MAGI1: variants seen among roughly 807,000 people sequenced by gnomAD.
MAGI1 encodes membrane associated guanylate kinase, WW and PDZ domain containing 1, also known as membrane-associated guanylate kinase, WW and PDZ domain-containing protein 1.
MAGI1 carries 58 observed loss-of-function variants against 139.9 expected under a neutral mutation model. The ratio of observed to expected loss-of-function variants is 0.41; its 90% confidence interval spans 0.34 to 0.52. MAGI1 has a LOEUF of 0.52. Ranked by LOEUF, MAGI1 falls within the 20% of genes least tolerant of loss-of-function variation. The pLI is 0.12. For missense variants in MAGI1, 1,874 were observed against 1,901.6 expected (o/e 0.99, Z 0.27); for synonymous variants, 812 against 737.9 (o/e 1.10, Z -1.63).
chr3:65,432,772 G>A (rs146182840), intron 10 of MAGI1, among the ~76,000 whole-genome samples: 2 of 152,096 alleles, frequency 1.3e-5, no homozygotes, highest in Non-Finnish European at 2.9e-5. Flanking sequence ...TTTACTTTAG[G>A]GGGAGGAGGG....
intron 1 of MAGI1, among the ~76,000 whole-genome samples, chr3:65,901,230 C>T (rs1021630539): frequency 5.3e-5 from 8 of 152,158 alleles, no homozygotes; most frequent in African/African-American, 1.9e-4. Context: ...GATGACGCCA[C>T]ACAAAAGGAA....
chr3:65,395,019 A>G (rs1018869539), intron 13 of MAGI1, among the ~76,000 whole-genome samples: 40 of 152,186 alleles, frequency 2.6e-4, no homozygotes, highest in African/African-American at 8.7e-4. Context: ...TACTAAGAAC[A>G]TGGAAAAATG....
intron 10 of MAGI1, among the ~76,000 whole-genome samples, chr3:65,432,245 C>T (rs556924133): frequency 1.3e-5 from 2 of 152,220 alleles, no homozygotes; most frequent in South Asian, 4.2e-4. Context: ...TCTAACTTTA[C>T]TTACTTCTTA....
intron 1 of MAGI1, among the ~76,000 whole-genome samples, chr3:65,848,121 T>C (rs955729831): frequency 2.6e-5 from 4 of 152,190 alleles, no homozygotes; most frequent in African/African-American, 9.7e-5. Flanking sequence ...CCCCAATTTA[T>C]TGCCAGAATT....
At chr3:65,855,297 G>A (rs1488959390) in intron 1 of MAGI1, among the ~76,000 whole-genome samples, 1 of 151,810 alleles carries the variant, frequency 6.6e-6, no homozygotes, top group Non-Finnish European at 1.5e-5. Flanking sequence ...TGGGAGGAAA[G>A]GGCTTGGTGC....
At chr3:65,425,108 T>TAAAAAAAAAAA (rs72030632) in intron 12 of MAGI1, among the ~76,000 whole-genome samples, 4 of 66,578 alleles carry the variant, frequency 6.0e-5, no homozygotes, top group South Asian at 3.0e-4. Context: ...GTAGAACTTC[T>TAAAAAAAAAAA]AAAAAAAAAA....
At chr3:65,442,887 A>C in intron 7 of MAGI1, 38 bp from the exon 8 acceptor site, 2 of 1,502,014 alleles carry the variant, frequency 1.3e-6, no homozygotes, top group Non-Finnish European at 1.9e-6. Context: ...AGAAGAGCAT[A>C]TTCTTGAAGA....
chr3:65,501,414 A>C (rs2077074532), intron 2 of MAGI1, among the ~76,000 whole-genome samples: 1 of 134,674 alleles, frequency 7.4e-6, no homozygotes, highest in Non-Finnish European at 1.5e-5. Flanking sequence ...AGATCGTGCC[A>C]CTGCACTCCA....
chr3:65,565,567 T>C (rs552020922), intron 2 of MAGI1, among the ~76,000 whole-genome samples: 8 of 152,204 alleles, frequency 5.3e-5, no homozygotes, highest in African/African-American at 9.6e-5. Flanking sequence ...TTAAGAAACA[T>C]TGCTTATGGT....
chr3:65,839,305 C>T (rs1291311197), intron 1 of MAGI1, among the ~76,000 whole-genome samples: 1 of 152,172 alleles, frequency 6.6e-6, no homozygotes, highest in Non-Finnish European at 1.5e-5. Context: ...ACAGCACACA[C>T]AATTATGTAC....
At chr3:65,496,565 G>C (rs934602053) in intron 2 of MAGI1, among the ~76,000 whole-genome samples, 4 of 152,176 alleles carry the variant, frequency 2.6e-5, no homozygotes, top group Non-Finnish European at 5.9e-5. Context: ...ATAGTCCATA[G>C]AACAGACATA....
intron 1 of MAGI1, among the ~76,000 whole-genome samples, chr3:65,660,248 ACTCT>A (rs2107378857): frequency 6.6e-6 from 1 of 152,258 alleles, no homozygotes; most frequent in East Asian, 1.9e-4. Context: ...CATGTCATGC[ACTCT>A]CTAAGGCACT....
intron 1 of MAGI1, among the ~76,000 whole-genome samples, chr3:65,797,410 A>T (rs1168355111): frequency 6.6e-6 from 1 of 152,188 alleles, no homozygotes; most frequent in Non-Finnish European, 1.5e-5. Flanking sequence ...GATTAAATAG[A>T]TTTAAAATGA....
chr3:65,942,488 T>A (rs971938197), intron 1 of MAGI1, among the ~76,000 whole-genome samples: 8 of 152,202 alleles, frequency 5.3e-5, no homozygotes, highest in African/African-American at 1.9e-4. Flanking sequence ...AGAAAAAACA[T>A]TTGGCATGAT....
At chr3:65,679,811 A>C (rs77275254) in intron 1 of MAGI1, among the ~76,000 whole-genome samples, 4,609 of 152,196 alleles carry the variant, frequency 0.03, 146 homozygotes, top group East Asian at 0.083. Flanking sequence ...AATTATTTTT[A>C]TTTTTCCTAT....
intron 2 of MAGI1, among the ~76,000 whole-genome samples, chr3:65,496,229 T>TG (rs536552213): frequency 1.1e-3 from 167 of 145,584 alleles, no homozygotes; most frequent in Admixed American, 1.9e-3. Flanking sequence ...TTTGTACAAA[T>TG]GGGGGGTCTC....
chr3:65,708,244 G>A (rs1247494953), intron 1 of MAGI1, among the ~76,000 whole-genome samples: 1 of 152,152 alleles, frequency 6.6e-6, no homozygotes, highest in Non-Finnish European at 1.5e-5. Context: ...ATTTAAATAT[G>A]GAAATGAATT....
intron 1 of MAGI1, among the ~76,000 whole-genome samples, chr3:65,868,008 T>C (rs2059790522): frequency 1.3e-5 from 2 of 152,114 alleles, no homozygotes; most frequent in African/African-American, 2.4e-5. Context: ...GCCCTGTCAT[T>C]TGCTTACAAG....
At chr3:65,661,745 G>GTTTTTTTTTTTTTTTTTTTTTT (rs11369893) in intron 1 of MAGI1, among the ~76,000 whole-genome samples, 1 of 93,920 alleles carries the variant, frequency 1.1e-5, no homozygotes, top group African/African-American at 4.2e-5. Context: ...GTTTTTTTCT[G>GTTTTTTTTTTTTTTTTTTTTTT]TTTTTTTTTT....
Sources: gnomAD v4.1 joint callset for allele counts (sites outside exome capture counted in the v4.1 genomes callset) on GRCh38, gnomAD v4.1.1 for gene constraint, MANE v1.5 for transcripts, NCBI Gene and HGNC (gene_info 2026-07-23, HGNC 2026-07-21) for gene names.